The following PARP10 variants were observed in gnomAD, a reference collection of about 807,000 sequenced individuals.
PARP10 encodes poly(ADP-ribose) polymerase family member 10, also known as protein mono-ADP-ribosyltransferase PARP10.
In PARP10, 56 loss-of-function variants were observed where a neutral mutation model predicts 82.4. That is an observed-to-expected ratio of 0.68 (90% CI 0.55 to 0.85). PARP10 has a LOEUF of 0.85. Ranked by LOEUF, PARP10 falls within the 40% of genes least tolerant of loss-of-function variation. The probability of loss-of-function intolerance (pLI) is 0.00; values close to 1 mark genes in which losing one functional copy is unlikely to be tolerated. For missense variants in PARP10, 1,227 were observed against 1,379.4 expected (o/e 0.89, Z 1.75); for synonymous variants, 576 against 601.1 (o/e 0.96, Z 0.61).
At chr8:143,995,139 C>T (rs1304684812), upstream of PARP10, among the ~76,000 whole-genome samples, 1 of 152,184 alleles carries the variant, frequency 6.6e-6, no homozygotes, top group Non-Finnish European at 1.5e-5. Flanking sequence ...GCAAAGACCC[C>T]CACTGCCAGA....
upstream of PARP10, chr8:143,991,727 C>T: frequency 6.2e-7 from 1 of 1,613,724 alleles, no homozygotes; most frequent in Non-Finnish European, 8.5e-7. Context: ...GGAGGGTCCC[C>T]CATCCTACTA....
chr8:144,008,285 C>T lies in PARP10; in HGVS notation c.-80+4245G>A, dbSNP rs1554752203. Reference sequence around the variant, plus strand: ...GAACAGAGGGCTCCCGGCTGCAGGCCCCCATTCTTCGGCAACTTTATGCCT... The same window carrying T: ...GAACAGAGGGCTCCCGGCTGCAGGCTCCCATTCTTCGGCAACTTTATGCCT... On this transcript the variant is annotated intron_variant, in intron 1 of 3. Coordinates refer to the PARP10 transcript ENST00000530478. This position sits in a 1 kb window ranked among gnomAD's most constrained non-coding sequence, Gnocchi z 4.0. Among the ~76,000 whole-genome samples, 1 of 152,182 alleles carries T rather than the reference C, an allele frequency of 6.6e-6. No individual in the cohort carries two copies. The highest frequency in any genetic ancestry group is 2.4e-5 in the African/African-American group (1 of 41,448).
In PARP10 at chr8:143,985,113, A is replaced by G. The variant is rs782259945; in HGVS notation, c.889T>C (p.Ser297Pro). ...CCTGACTGCCCTGGTTCCTCGCCAG[A>G]GCCCATTGTCACAGTCCCTGCACCC... Reference protein sequence around the residue: ...LQGAGTVTMGSGEEPGQSGAS... With the variant: ...LQGAGTVTMGPGEEPGQSGAS... Residue 297 changes from serine (S) to proline (P), a missense_variant, in exon 5 of 11, where the codon TCT becomes CCT. By Grantham distance (74) the Ser-to-Pro change is moderately conservative. Coordinates refer to ENST00000313028, the MANE Select transcript of PARP10 (RefSeq NM_032789.5). The G allele has an allele frequency of 3.7e-6, 6 of 1,613,854 alleles. No individual in the cohort carries two copies. The South Asian group carries it at 6.6e-5, about 18-fold the overall frequency.
upstream of PARP10, chr8:143,993,056 C>T (rs922724901): frequency 4.3e-5 from 24 of 554,314 alleles, no homozygotes; most frequent in Admixed American, 2.7e-4. Flanking sequence ...CTCCCGCCCC[C>T]GCCAAGGGGC....
chr8:143,990,002 C>T (rs540702356), upstream of PARP10: 235 of 151,616 alleles, frequency 1.5e-3, 1 homozygote, highest in African/African-American at 5.5e-3. The surrounding 1 kb of genome is among the most constrained non-coding windows in gnomAD (Gnocchi z 5.6). Context: ...GCCCCGCCCA[C>T]CTGCCCCTCC....
chr8:143,979,800 C>A lies in PARP10; in HGVS notation c.2557-1719G>T, dbSNP rs149416592. Among the ~76,000 whole-genome samples, 661 of 152,024 alleles carry A rather than the reference C, an allele frequency of 4.3e-3. 4 individuals are homozygous for A. Among genetic ancestry groups the A allele is most frequent in the African/African-American group, 0.015 (603 of 41,452 alleles). On this transcript the variant is annotated intron_variant, in intron 9 of 10. Transcript: ENST00000313028. ...CAGCACTTTGGGAGGCCGAGGTGGG[C>A]GGATCACGAGGTCGGGAGATCGAGA...
chr8:143,992,866 C>G, upstream of PARP10: 1 of 1,608,616 alleles, frequency 6.2e-7, no homozygotes, highest in Non-Finnish European at 8.5e-7. Flanking sequence ...GCTGTGCCCG[C>G]TCAGGTGGCA....
upstream of PARP10, chr8:143,990,711 C>T (rs1360325824): frequency 2.0e-5 from 3 of 152,174 alleles, no homozygotes; most frequent in African/African-American, 4.8e-5. This position sits in a 1 kb window ranked among gnomAD's most constrained non-coding sequence, Gnocchi z 5.6. Context: ...GGGCTCGGGC[C>T]TTTGTTGGTC....
At position 143,983,703 on chromosome 8, in the gene PARP10, T is replaced by G. The variant is rs782692702; in HGVS notation, c.1886A>C (p.Glu629Ala). The G allele has an allele frequency of 6.2e-6, 10 of 1,609,580 alleles. No individual in the cohort carries two copies. The highest frequency in any genetic ancestry group is 8.5e-6 in the Non-Finnish European group (10 of 1,177,792). The change falls in exon 8 of 11, where the codon GAG (glutamate) becomes GCG (alanine). Residue 629 changes from glutamate (E) to alanine (A), a missense_variant. Coordinates refer to ENST00000313028, the MANE Select transcript of PARP10 (RefSeq NM_032789.5). Reference protein sequence around the residue: ...EEGPQEQPEEEVTPGHEEEEP... With the variant: ...EEGPQEQPEEAVTPGHEEEEP... ...CTCCTCCTCATGCCCTGGGGTCACC[T>G]CCTCCTCTGGCTGCTCCTGAGGCCC...
At chr8:143,989,368 C>T (rs1834051298), upstream of PARP10, 1 of 152,202 alleles carries the variant, frequency 6.6e-6, no homozygotes, top group African/African-American at 2.4e-5. The surrounding 1 kb of genome is among the most constrained non-coding windows in gnomAD (Gnocchi z 4.3). Context: ...TTCAGGGTCT[C>T]TAGTGTGAAA....
intron 1 of PARP10, among the ~76,000 whole-genome samples, chr8:143,997,454 G>A (rs1834171700): frequency 6.6e-6 from 1 of 152,028 alleles, no homozygotes; most frequent in Non-Finnish European, 1.5e-5. Flanking sequence ...ATGCTATCAC[G>A]ACCCTTGGCT....
intron 1 of PARP10, among the ~76,000 whole-genome samples, chr8:143,997,381 T>C (rs1834171134): frequency 6.6e-6 from 1 of 152,166 alleles, no homozygotes; most frequent in Non-Finnish European, 1.5e-5. Flanking sequence ...AGCTTTTCAC[T>C]GGTATCCACA....
intron 1 of PARP10, among the ~76,000 whole-genome samples, chr8:144,009,128 C>T (rs1367817821): frequency 6.6e-6 from 1 of 152,140 alleles, no homozygotes; most frequent in Non-Finnish European, 1.5e-5. Flanking sequence ...TGCAGCTCTG[C>T]CGGCACTTCT....
chr8:143,984,336 C>T lies in PARP10; in HGVS notation c.1554G>A (p.Pro518=), dbSNP rs369565543. The T allele has an allele frequency of 6.8e-6, 11 of 1,613,732 alleles. No homozygotes were observed. Among genetic ancestry groups the T allele is most frequent in the South Asian group, 5.5e-5 (5 of 91,094 alleles). The change falls in exon 6 of 11, where the codon CCG becomes CCA. Residue 518 remains proline (P), a synonymous_variant. Transcript: ENST00000313028. ...GGCCCAGGAGAAACCTGGCGCTGCC[C>T]GGGTGCTCCAGGCACAACACATGGC... ...ISCHVLCLEH[P]GSARFLLGPE... is the part of the protein sequence containing the mutation.
chr8:143,983,957 G>A, intron 7 of PARP10, 51 bp downstream of exon 7: 3 of 1,475,624 alleles, frequency 2.0e-6, no homozygotes, highest in Middle Eastern at 1.8e-4. Context: ...GGCAGGGGGT[G>A]AGGTCAAGTG....
rs1460902185 is a variant in PARP10 at position 143,983,495 on chromosome 8, G to A, written c.2094C>T (p.Pro698=). Residue 698 remains proline, a synonymous_variant, in exon 8 of 11, where the codon CCC becomes CCT. Transcript: ENST00000313028. ...LEQPPLEAEE[P]PDGGTDGKAQ... is the part of the protein sequence containing the mutation. Reference sequence around the variant, plus strand: ...CCTTGCCATCAGTCCCCCCATCTGGGGGCTCTTCTGCCTCCAACGGGGGCT... The same window carrying A: ...CCTTGCCATCAGTCCCCCCATCTGGAGGCTCTTCTGCCTCCAACGGGGGCT... The A allele has an allele frequency of 1.2e-6, 2 of 1,606,230 alleles. No individual in the cohort carries two copies. The highest frequency in any genetic ancestry group is 1.7e-6 in the Non-Finnish European group (2 of 1,177,410).
chr8:143,992,638 G>T (rs1554750750), upstream of PARP10: 1 of 1,614,010 alleles, frequency 6.2e-7, no homozygotes, highest in Admixed American at 1.7e-5. Flanking sequence ...GGCCGGGGGC[G>T]GGATGCTGGG....
rs1554748337 is a variant in PARP10, at chr8:143,983,641, G to A, written c.1948C>T (p.Leu650=). 6.2e-7 allele frequency: 1 copy of A among 1,607,056 alleles called. No individual in the cohort carries two copies. The highest frequency in any genetic ancestry group is 1.1e-5 in the South Asian group (1 of 89,796). Residue 650 remains leucine (L), a synonymous_variant, in exon 8 of 11, where the codon CTG becomes TTG. Coordinates refer to ENST00000313028, the MANE Select transcript of PARP10 (RefSeq NM_032789.5). ...VAPSTVAPRW[L]EEEAALQLAL... ...AGCTGCAGAGCGGCCTCCTCCTCCA[G>A]CCACCTGGGTGCCACAGTGCTGGGG...
At chr8:143,986,280 T>G in intron 1 of PARP10, 47 bp from the exon 2 acceptor site, 3 of 1,613,198 alleles carry the variant, frequency 1.9e-6, no homozygotes, top group Non-Finnish European at 2.5e-6. Flanking sequence ...ATTCCACCCC[T>G]CCTGCCCCTC....
Sources: gnomAD v4.1 joint callset for allele counts (sites outside exome capture counted in the v4.1 genomes callset) on GRCh38, gnomAD v4.1.1 for gene constraint, Gnocchi (gnomAD v3.1) non-coding constraint, MANE v1.5 for transcripts, NCBI Gene and HGNC (gene_info 2026-07-23, HGNC 2026-07-21) for gene names.